Variants in UVRAG observed in about 807,000 individuals in gnomAD.
The protein encoded by UVRAG is UV radiation resistance associated.
In UVRAG, 19 loss-of-function variants were observed where a neutral mutation model predicts 78.0. The ratio of observed to expected loss-of-function variants is 0.24; its 90% CI spans 0.17 to 0.36. UVRAG has a LOEUF of 0.36. Ranked by LOEUF, UVRAG falls within the 10% of genes least tolerant of loss-of-function variation. The pLI is 1.00. For synonymous variants in UVRAG, 323 were observed against 324.6 expected, an observed-to-expected ratio of 1.00 and a Z score of 0.05; for missense variants, 740 against 853.8, an observed-to-expected ratio of 0.87 and a Z score of 1.66.
chr11:75,855,332 A>T (rs1946264623), intron 2 of UVRAG, among the ~76,000 whole-genome samples: 1 of 152,180 alleles, frequency 6.6e-6, no homozygotes, highest in Non-Finnish European at 1.5e-5. Context: ...GTTGCTGTTG[A>T]ATCTGGCACT....
At chr11:76,085,778 A>G (rs1951579331) in intron 13 of UVRAG, among the ~76,000 whole-genome samples, 1 of 152,212 alleles carries the variant, frequency 6.6e-6, no homozygotes, top group Non-Finnish European at 1.5e-5. Flanking sequence ...TGGAAGGCAC[A>G]TTTAGCATTT....
intron 12 of UVRAG, among the ~76,000 whole-genome samples, chr11:76,035,456 A>C (rs944892981): frequency 6.6e-6 from 1 of 152,148 alleles, no homozygotes; most frequent in Admixed American, 6.6e-5. Flanking sequence ...GTATTATTTT[A>C]ATTGGAAACT....
intron 5 of UVRAG, among the ~76,000 whole-genome samples, chr11:75,903,757 G>A (rs1177599330): frequency 6.6e-6 from 1 of 152,190 alleles, no homozygotes; most frequent in East Asian, 1.9e-4. Flanking sequence ...TGTTCTCTAT[G>A]AGGACAGTAG....
intron 1 of UVRAG, among the ~76,000 whole-genome samples, chr11:75,821,064 A>C (rs993913941): frequency 6.6e-6 from 1 of 152,240 alleles, no homozygotes; most frequent in African/African-American, 2.4e-5. Context: ...CATCCCAAAC[A>C]GAAAACAACT....
chr11:75,959,193 A>T (rs1346823081), intron 6 of UVRAG, among the ~76,000 whole-genome samples: 1 of 152,222 alleles, frequency 6.6e-6, no homozygotes, highest in East Asian at 1.9e-4. Context: ...TAAAAGAGTC[A>T]GTCTGTCCTT....
At chr11:75,882,676 C>A (rs1946978610) in intron 4 of UVRAG, among the ~76,000 whole-genome samples, 1 of 152,174 alleles carries the variant, frequency 6.6e-6, no homozygotes, top group Non-Finnish European at 1.5e-5. Context: ...TATCCTTTGA[C>A]CAGCATCTTC....
At chr11:76,005,425 G>T (rs1949915961) in intron 9 of UVRAG, among the ~76,000 whole-genome samples, 1 of 152,150 alleles carries the variant, frequency 6.6e-6, no homozygotes. Flanking sequence ...GGAAGTCAAT[G>T]CTCTGGTAAG....
At chr11:75,880,197 T>C (rs948071271) in intron 4 of UVRAG, among the ~76,000 whole-genome samples, 157 bp downstream of exon 4, 9 of 152,270 alleles carry the variant, frequency 5.9e-5, no homozygotes, top group Non-Finnish European at 1.3e-4. Flanking sequence ...ATCATTTACA[T>C]ATGTTATTAT....
At chr11:75,956,817 C>T (rs978170168) in intron 6 of UVRAG, among the ~76,000 whole-genome samples, 2 of 152,014 alleles carry the variant, frequency 1.3e-5, no homozygotes, top group Admixed American at 6.5e-5. Context: ...TTTTAATATG[C>T]GTTTCCCTGA....
intron 12 of UVRAG, among the ~76,000 whole-genome samples, chr11:76,023,314 G>A (rs1450676844): frequency 2.0e-5 from 3 of 151,966 alleles, no homozygotes; most frequent in African/African-American, 4.8e-5. Flanking sequence ...ATCTTGTTTC[G>A]GGCATGAATG....
chr11:75,974,001 T>C (rs1949179140), intron 7 of UVRAG, among the ~76,000 whole-genome samples: 1 of 152,224 alleles, frequency 6.6e-6, no homozygotes, highest in Admixed American at 6.5e-5. Context: ...TTGTGAATAG[T>C]GCCGCAATAA....
chr11:76,068,087 A>C (rs552606234), intron 13 of UVRAG, among the ~76,000 whole-genome samples: 1 of 152,334 alleles, frequency 6.6e-6, no homozygotes, highest in African/African-American at 2.4e-5. Context: ...ACATGTGTAC[A>C]GATATACACA....
chr11:75,872,110 G>A (rs1330550519), intron 3 of UVRAG, among the ~76,000 whole-genome samples: 1 of 152,180 alleles, frequency 6.6e-6, no homozygotes. Context: ...TCAAGGATAA[G>A]TGGAGTTGGT....
intron 12 of UVRAG, among the ~76,000 whole-genome samples, chr11:76,040,085 T>A (rs1041800355): frequency 1.3e-5 from 2 of 152,208 alleles, no homozygotes; most frequent in Admixed American, 1.3e-4. Context: ...GAATTTGAAA[T>A]AATTCATTGC....
chr11:76,050,388 T>C (rs1950841205), intron 12 of UVRAG, among the ~76,000 whole-genome samples: 1 of 152,248 alleles, frequency 6.6e-6, no homozygotes, highest in Admixed American at 6.5e-5. Context: ...TTACTTAATA[T>C]ATTCATTTGT....
At chr11:76,118,586 A>G (rs1386008978) in intron 14 of UVRAG, among the ~76,000 whole-genome samples, 1 of 152,168 alleles carries the variant, frequency 6.6e-6, no homozygotes, top group Non-Finnish European at 1.5e-5. Flanking sequence ...AATCATGAAT[A>G]TGTGTATTTT....
At chr11:75,847,777 C>T (rs2134725385) in intron 1 of UVRAG, among the ~76,000 whole-genome samples, 1 of 151,398 alleles carries the variant, frequency 6.6e-6, no homozygotes, top group African/African-American at 2.4e-5. Context: ...TCGAGACCAT[C>T]CTGGCCAACA....
intron 14 of UVRAG, chr11:76,137,352 C>A (rs186284775): frequency 4.4e-4 from 200 of 456,156 alleles, no homozygotes; most frequent in Admixed American, 1.4e-3. Context: ...CACCACTGAA[C>A]ATCCTGTAGT....
intron 12 of UVRAG, among the ~76,000 whole-genome samples, chr11:76,055,497 G>C (rs532861998): frequency 6.6e-6 from 1 of 152,026 alleles, no homozygotes; most frequent in Non-Finnish European, 1.5e-5. Flanking sequence ...TAGATTCTGC[G>C]GTTACATTTG....
Sources: gnomAD v4.1 joint callset for allele counts (sites outside exome capture counted in the v4.1 genomes callset) on GRCh38, gnomAD v4.1.1 for gene constraint, MANE v1.5 for transcripts, NCBI Gene and HGNC (gene_info 2026-07-23, HGNC 2026-07-21) for gene names.